MTF2: variants seen among roughly 807,000 people sequenced by gnomAD.
MTF2 encodes metal-response element-binding transcription factor 2.
In MTF2, 11 loss-of-function variants were observed where a neutral mutation model predicts 79.5. That is an observed-to-expected ratio of 0.14 (90% CI 0.09 to 0.23). MTF2 has a LOEUF of 0.23. Among genes scored for constraint, MTF2 ranks in the 10% least tolerant of loss-of-function variants. The probability of loss-of-function intolerance (pLI) is 1.00; values close to 1 mark genes in which losing one functional copy is unlikely to be tolerated. For missense variants in MTF2, 486 were observed against 711.2 expected (o/e 0.68, Z 3.60); for synonymous variants, 208 against 232.8 (o/e 0.89, Z 0.97).
chr1:93,117,967 G>A (rs1656317969), intron 6 of MTF2, among the ~76,000 whole-genome samples: 1 of 152,118 alleles, frequency 6.6e-6, no homozygotes, highest in African/African-American at 2.4e-5. Context: ...GAGGCTGCAT[G>A]AGCCATGGTC....
At chr1:93,081,595 C>T (rs1360903359) in intron 1 of MTF2, among the ~76,000 whole-genome samples, 8 of 152,000 alleles carry the variant, frequency 5.3e-5, no homozygotes, top group African/African-American at 1.7e-4. Flanking sequence ...TTGTTTATTG[C>T]TGTGAAATCC....
intron 1 of MTF2, among the ~76,000 whole-genome samples, chr1:93,105,027 C>T (rs1407013388): frequency 2.0e-5 from 3 of 151,460 alleles, no homozygotes; most frequent in Non-Finnish European, 4.4e-5. Context: ...GCCTGTAGTC[C>T]CAGCTACTCG....
intron 10 of MTF2, 154 bp from the exon 11 acceptor site, chr1:93,129,124 C>A (rs191314032): frequency 6.5e-6 from 3 of 460,470 alleles, no homozygotes; most frequent in Admixed American, 4.0e-5. Flanking sequence ...GGCTCTGGGG[C>A]AGATAAAAAT....
rs1647459472 is a variant in MTF2 at position 93,137,689 on chromosome 1, T to C, written c.*662T>C. ...TACAAATTATGGGAATGGGCAGCTTTGGAGTATATATCCCATAATTCTTTT... is the reference window on the plus strand; with the variant it reads ...TACAAATTATGGGAATGGGCAGCTTCGGAGTATATATCCCATAATTCTTTT... On this transcript the variant is annotated 3_prime_UTR_variant, in exon 15 of 15. Coordinates refer to ENST00000370298, the MANE Select transcript of MTF2 (RefSeq NM_007358.4). The C allele has an allele frequency of 1.3e-5, 2 of 152,232 alleles. No individual in the cohort carries two copies. The highest frequency in any genetic ancestry group is 4.8e-5 in the African/African-American group (2 of 41,452). The allele number at this position is 152,232 out of a possible 1,614,324, so 9.4% of individuals were successfully genotyped here. A position where few individuals can be genotyped will look rare whatever the true frequency, so the allele number is the denominator to read the frequency against.
At chr1:93,119,492 T>A in intron 8 of MTF2, 91 bp downstream of exon 8, 1 of 900,136 alleles carries the variant, frequency 1.1e-6, no homozygotes, top group Non-Finnish European at 1.7e-6. Context: ...TTGGCTTAAG[T>A]AAAAATAGGT....
intron 1 of MTF2, among the ~76,000 whole-genome samples, chr1:93,105,828 A>G (rs1342376688): frequency 6.6e-6 from 1 of 152,098 alleles, no homozygotes; most frequent in Non-Finnish European, 1.5e-5. Context: ...GGTGCCAGCC[A>G]TCACGCCCGG....
chr1:93,127,524 G>A (rs570180835), intron 10 of MTF2, among the ~76,000 whole-genome samples: 2 of 152,214 alleles, frequency 1.3e-5, no homozygotes, highest in South Asian at 4.1e-4. Flanking sequence ...GAGACATATC[G>A]GTATCTCTGG....
intron 1 of MTF2, among the ~76,000 whole-genome samples, chr1:93,085,652 A>G (rs142472140): frequency 2.5e-3 from 380 of 152,108 alleles, no homozygotes; most frequent in Middle Eastern, 3.4e-3. Context: ...ACACCTGGCT[A>G]ATTTTTAAAA....
Position 93,120,593 on chromosome 1 carries a change from A to G in MTF2, c.842A>G (p.His281Arg). 7 of 1,607,918 alleles carry G rather than the reference A, an allele frequency of 4.4e-6. No homozygotes were observed. Among genetic ancestry groups the G allele is most frequent in the South Asian group, 1.1e-5 (1 of 90,114 alleles). Residue 281 changes from histidine to arginine, a missense_variant, in exon 9 of 15, where the codon CAT (histidine) becomes CGT (arginine). His to Arg is a conservative substitution (Grantham distance 29, BLOSUM62 0). Coordinates refer to ENST00000370298, the MANE Select transcript of MTF2 (RefSeq NM_007358.4). ...HLCLYNLSVI[H>R]KKKYFDSELE... ...TGCCTTTACAACCTAAGTGTTATTC[A>G]TAAGAAGAAATACTTTGATTCTGAA...
intron 9 of MTF2, among the ~76,000 whole-genome samples, chr1:93,126,990 G>A (rs1390208460): frequency 6.6e-6 from 1 of 152,090 alleles, no homozygotes; most frequent in Non-Finnish European, 1.5e-5. Context: ...TTGGATTAAT[G>A]TAATGAACAA....
At chr1:93,113,239 A>T (rs1170387228) in intron 3 of MTF2, among the ~76,000 whole-genome samples, 2 of 148,558 alleles carry the variant, frequency 1.3e-5, no homozygotes, top group Non-Finnish European at 3.0e-5. Context: ...AAAAATAGGC[A>T]TGGTGACACA....
intron 11 of MTF2, among the ~76,000 whole-genome samples, chr1:93,129,881 G>A (rs1246353664): frequency 1.3e-5 from 2 of 152,162 alleles, no homozygotes; most frequent in African/African-American, 4.8e-5. Context: ...AAGGTGATAA[G>A]TAAAATAGTT....
At chr1:93,099,693 C>T (rs1429637208) in intron 1 of MTF2, among the ~76,000 whole-genome samples, 2 of 152,034 alleles carry the variant, frequency 1.3e-5, no homozygotes, top group African/African-American at 4.8e-5. Context: ...ATCTAGAAAG[C>T]AGAGTGATAA....
At chr1:93,121,639 A>G (rs1450849264) in intron 9 of MTF2, 1 of 972,052 alleles carries the variant, frequency 1.0e-6, no homozygotes, top group Non-Finnish European at 1.2e-6. Context: ...AAAATCTAGG[A>G]TATTATTGAA....
chr1:93,083,001 A>G (rs1214318731), intron 1 of MTF2, among the ~76,000 whole-genome samples: 4 of 152,294 alleles, frequency 2.6e-5, no homozygotes, highest in African/African-American at 9.6e-5. Context: ...TAGCATGACT[A>G]TATTAGTCCA....
At chr1:93,100,973 C>T (rs576639052) in intron 1 of MTF2, among the ~76,000 whole-genome samples, 1 of 152,310 alleles carries the variant, frequency 6.6e-6, no homozygotes, top group Non-Finnish European at 1.5e-5. Flanking sequence ...TATTAACCCA[C>T]ATATTTACTA....
intron 1 of MTF2, among the ~76,000 whole-genome samples, chr1:93,087,214 A>G (rs963443249): frequency 1.3e-5 from 2 of 152,200 alleles, no homozygotes; most frequent in African/African-American, 4.8e-5. Flanking sequence ...TTAACAACCA[A>G]GTTGAACCAT....
At chr1:93,112,927 C>A (rs1323011265) in intron 3 of MTF2, among the ~76,000 whole-genome samples, 1 of 152,194 alleles carries the variant, frequency 6.6e-6, no homozygotes, top group African/African-American at 2.4e-5. Context: ...CAGGTAGTTA[C>A]AGTGAGAGTC....
intron 11 of MTF2, among the ~76,000 whole-genome samples, chr1:93,132,489 A>C (rs1017151994): frequency 1.3e-5 from 2 of 152,118 alleles, no homozygotes; most frequent in African/African-American, 4.8e-5. Context: ...TTCCTTCTGG[A>C]CCTTGTGTAT....
Sources: allele counts gnomAD v4.1 joint callset (sites outside exome capture counted in the v4.1 genomes callset), GRCh38; gene constraint gnomAD v4.1.1; transcripts MANE v1.5; gene names NCBI Gene and HGNC (gene_info 2026-07-23, HGNC 2026-07-21).